Variants in ST7L observed in about 807,000 individuals in gnomAD.
ST7L encodes the protein suppressor of tumorigenicity 7 protein-like.
A neutral mutation model predicts 72.5 loss-of-function variants in ST7L; 57 were observed. The observed-to-expected ratio is 0.79, with a 90% CI of 0.64 to 0.98. The LOEUF (loss-of-function observed/expected upper bound fraction) is 0.98, where lower values mean the gene tolerates loss of function less well. Among genes scored for constraint, ST7L ranks in the 50% least tolerant of loss-of-function variants. ST7L has a pLI of 0.00. For synonymous variants in ST7L, 221 were observed against 240.9 expected, an observed-to-expected ratio of 0.92 and a Z score of 0.77; for missense variants, 576 against 672.2, an observed-to-expected ratio of 0.86 and a Z score of 1.58.
rs74469090 is a variant in ST7L at position 112,547,836 on chromosome 1, T to A, written c.1489+2765A>T. ...GCTTCAGCCTCCCAAAGTGCTGGGATTACAAACGTGAGCCATCGTTCCTGG... is the reference window on the plus strand; with the variant it reads ...GCTTCAGCCTCCCAAAGTGCTGGGAATACAAACGTGAGCCATCGTTCCTGG... On this transcript the variant is annotated intron_variant, in intron 13 of 14. Transcript: ENST00000358039. Among the ~76,000 whole-genome samples, 23 of 152,102 alleles carry A rather than the reference T, an allele frequency of 1.5e-4. No individual in the cohort carries two copies. In the East Asian group the frequency reaches 3.3e-3, roughly 22 times the overall value.
intron 11 of ST7L, among the ~76,000 whole-genome samples, chr1:112,556,989 A>AACAAAC (rs1659285120): frequency 7.0e-6 from 1 of 143,140 alleles, no homozygotes; most frequent in African/African-American, 2.8e-5. Flanking sequence ...AAAAAACAAA[A>AACAAAC]AAAAAAAAAC....
intron 3 of ST7L, among the ~76,000 whole-genome samples, chr1:112,607,760 G>A (rs1024224586): frequency 6.6e-6 from 1 of 152,014 alleles, no homozygotes; most frequent in Non-Finnish European, 1.5e-5. Context: ...GAAGATTTTA[G>A]AATTATAGAG....
intron 6 of ST7L, 132 bp from the exon 7 acceptor site, chr1:112,584,258 G>A (rs969744693): frequency 2.2e-5 from 21 of 933,444 alleles, no homozygotes; most frequent in East Asian, 8.7e-5. Context: ...AAAAACCTTC[G>A]TTCAATATTT....
intron 3 of ST7L, among the ~76,000 whole-genome samples, chr1:112,606,129 C>T (rs1224940217): frequency 6.6e-6 from 1 of 152,196 alleles, no homozygotes; most frequent in East Asian, 1.9e-4. Flanking sequence ...CCATGAAGTG[C>T]ACACGTGATA....
chr1:112,588,688 T>C (rs1308156404), intron 6 of ST7L, among the ~76,000 whole-genome samples: 2 of 152,222 alleles, frequency 1.3e-5, no homozygotes, highest in African/African-American at 2.4e-5. Context: ...TGTAGTGTAC[T>C]ACATTGACTG....
chr1:112,618,742 C>T, intron 1 of ST7L, 167 bp downstream of exon 1: 1 of 1,366,164 alleles, frequency 7.3e-7, no homozygotes, highest in South Asian at 1.6e-5. Context: ...GCAGGCTTGT[C>T]AATCAACTGC....
At chr1:112,603,780 T>C (rs959580410) in intron 3 of ST7L, among the ~76,000 whole-genome samples, 1 of 152,214 alleles carries the variant, frequency 6.6e-6, no homozygotes, top group African/African-American at 2.4e-5. Flanking sequence ...CTGGTGAAAC[T>C]GAGTTCTTGT....
intron 12 of ST7L, among the ~76,000 whole-genome samples, chr1:112,551,804 T>G (rs566798319): frequency 1.3e-5 from 2 of 152,254 alleles, no homozygotes; most frequent in African/African-American, 2.4e-5. Flanking sequence ...ACTGTGACTT[T>G]AAATGAAATG....
intron 1 of ST7L, chr1:112,618,326 G>A: frequency 1.0e-6 from 1 of 984,996 alleles, no homozygotes; most frequent in Non-Finnish European, 1.2e-6. Context: ...ACTGTTGTTT[G>A]TGGCGCTCTC....
intron 10 of ST7L, among the ~76,000 whole-genome samples, chr1:112,577,752 G>C (rs1663371178): frequency 6.6e-6 from 1 of 152,030 alleles, no homozygotes; most frequent in African/African-American, 2.4e-5. Context: ...ATTCTTATTT[G>C]AGAGGACACA....
chr1:112,574,822 G>A (rs1558004452), intron 11 of ST7L, among the ~76,000 whole-genome samples: 1 of 152,152 alleles, frequency 6.6e-6, no homozygotes, highest in Non-Finnish European at 1.5e-5. Context: ...GTAGGCGTCT[G>A]TGGGTTGATA....
At chr1:112,559,530 C>CA (rs964421882) in intron 11 of ST7L, among the ~76,000 whole-genome samples, 25 of 147,642 alleles carry the variant, frequency 1.7e-4, no homozygotes, top group South Asian at 1.1e-3. Flanking sequence ...CCACGCCTGG[C>CA]AAAAAAAAAT....
In ST7L at chr1:112,555,830, TAG is replaced by T. The variant is rs140508049; in HGVS notation, c.1396+36_1396+37del. The T allele has an allele frequency of 2.0e-3, 2,960 of 1,448,490 alleles. 58 individuals carry two copies. The African/African-American group carries it at 0.035, about 17-fold the overall frequency. 89.7% of individuals were successfully genotyped at this position (1,448,490 alleles called of 1,614,324 possible). On this transcript the variant is annotated intron_variant, in intron 12 of 14. Coordinates refer to ENST00000358039, the MANE Select transcript of ST7L (RefSeq NM_017744.5). The stretch of plus-strand genomic sequence containing the variant: ...ACTGCCTGTGAATTCAATGAATAGT[TAG>T]AGAGATTAGTGTTACTTTTGGAAAA...
At chr1:112,540,565 C>G (rs1655940374) in intron 14 of ST7L, 1 of 985,428 alleles carries the variant, frequency 1.0e-6, no homozygotes, top group East Asian at 1.1e-4. Flanking sequence ...CAAGTGCAGA[C>G]TCAGACTCCT....
At chr1:112,551,761 T>C (rs1262933353) in intron 12 of ST7L, among the ~76,000 whole-genome samples, 2 of 152,192 alleles carry the variant, frequency 1.3e-5, no homozygotes, top group Admixed American at 6.5e-5. Context: ...GCTAAGTACA[T>C]AAATCTTTAA....
At chr1:112,550,530 A>G in intron 13 of ST7L, 71 bp downstream of exon 13, 1 of 1,199,724 alleles carries the variant, frequency 8.3e-7, no homozygotes, top group Middle Eastern at 2.1e-4. Context: ...CATTTTTAAA[A>G]TGGAGAATAC....
At chr1:112,547,666 G>A (rs1473656167) in intron 13 of ST7L, among the ~76,000 whole-genome samples, 3 of 139,284 alleles carry the variant, frequency 2.2e-5, no homozygotes, top group Admixed American at 7.7e-5. Context: ...AGGTTCAAGC[G>A]ATTCTCCTGC....
downstream of ST7L, among the ~76,000 whole-genome samples, chr1:112,519,569 T>C (rs571808248): frequency 1.4e-4 from 22 of 152,206 alleles, no homozygotes; most frequent in South Asian, 2.7e-3. Flanking sequence ...TCCCTATGCA[T>C]GGGGAAAACA....
At chr1:112,562,148 T>C (rs1287743600) in intron 11 of ST7L, among the ~76,000 whole-genome samples, 4 of 151,766 alleles carry the variant, frequency 2.6e-5, no homozygotes. Flanking sequence ...TAATTTTTTT[T>C]GTAGAGATAG....
Sources: gnomAD v4.1 joint callset for allele counts (sites outside exome capture counted in the v4.1 genomes callset) on GRCh38, gnomAD v4.1.1 for gene constraint, MANE v1.5 for transcripts, NCBI Gene and HGNC (gene_info 2026-07-23, HGNC 2026-07-21) for gene names.